The following ZNF521 variants were observed in gnomAD, a reference collection of about 807,000 sequenced individuals.
ZNF521 encodes zinc finger protein 521, also known as LYST-interacting protein 3.
A neutral mutation model predicts 105.5 loss-of-function variants in ZNF521; 14 were observed. That is an observed-to-expected ratio of 0.13 (90% CI 0.09 to 0.21). The LOEUF (loss-of-function observed/expected upper bound fraction) is 0.21, where lower values mean the gene tolerates loss of function less well. ZNF521 is among the 10% of genes least tolerant of loss of function. The pLI, the probability that ZNF521 is intolerant of heterozygous loss-of-function variation, is 1.00. For synonymous variants in ZNF521, 635 were observed against 606.0 expected (o/e 1.05, Z -0.70); for missense variants, 1,233 against 1,629.7 (o/e 0.76, Z 4.19).
rs374117228 is a variant in ZNF521, at chr18:25,278,580, A to G, written c.220+43428T>C. Among the ~76,000 whole-genome samples, 23 of 152,302 alleles carry G rather than the reference A, an allele frequency of 1.5e-4. No individual in the cohort carries two copies. The East Asian group carries it at 3.7e-3, about 24-fold the overall frequency. ...AAAATGAAGAGTGTCTTGCAATTTC[A>G]TCCCTTAATTGAGATCCTAGCATAT... On this transcript the variant is annotated intron_variant, in intron 3 of 7. Coordinates refer to ENST00000361524, the MANE Select transcript of ZNF521 (RefSeq NM_015461.3).
intron 3 of ZNF521, among the ~76,000 whole-genome samples, chr18:25,280,988 T>C (rs141293084): frequency 3.5e-3 from 530 of 152,270 alleles, no homozygotes; most frequent in Middle Eastern, 0.014. Flanking sequence ...CTTGCTTAAA[T>C]TCATTCTAAG....
chr18:25,242,920 T>C (rs1012883976), intron 3 of ZNF521, among the ~76,000 whole-genome samples: 2 of 152,192 alleles, frequency 1.3e-5, no homozygotes, highest in African/African-American at 4.8e-5. Flanking sequence ...TACAATACGT[T>C]CTCACTAGAT....
intron 5 of ZNF521, among the ~76,000 whole-genome samples, chr18:25,156,344 T>C (rs1319091497): frequency 6.6e-6 from 1 of 152,238 alleles, no homozygotes; most frequent in East Asian, 1.9e-4. Flanking sequence ...CTTCCCACAG[T>C]GCCTTTCCTC....
At chr18:25,349,642 C>T (rs1010176946) in intron 2 of ZNF521, among the ~76,000 whole-genome samples, 5 of 151,932 alleles carry the variant, frequency 3.3e-5, no homozygotes, top group African/African-American at 1.2e-4. Context: ...CACCCCTTTT[C>T]CCCGGGCCGG....
chr18:25,155,910 T>C (rs1175965943), intron 5 of ZNF521, among the ~76,000 whole-genome samples: 1 of 152,190 alleles, frequency 6.6e-6, no homozygotes, highest in Non-Finnish European at 1.5e-5. Context: ...TTCTCACTTA[T>C]ATGTGTAATC....
At chr18:25,165,366 A>G (rs533781036) in intron 5 of ZNF521, among the ~76,000 whole-genome samples, 2 of 152,292 alleles carry the variant, frequency 1.3e-5, no homozygotes, top group South Asian at 2.1e-4. Flanking sequence ...AAAAACACGG[A>G]GCAGAAGTCT....
At chr18:25,286,586 C>G (rs1910717897) in intron 3 of ZNF521, among the ~76,000 whole-genome samples, 1 of 152,132 alleles carries the variant, frequency 6.6e-6, no homozygotes, top group Non-Finnish European at 1.5e-5. Context: ...TGAGAAAAAA[C>G]AAAGGTCATA....
intron 3 of ZNF521, among the ~76,000 whole-genome samples, chr18:25,316,175 G>T (rs1385384346): frequency 1.3e-5 from 2 of 151,976 alleles, no homozygotes; most frequent in Non-Finnish European, 2.9e-5. Context: ...TGAGAAAGCA[G>T]CAAGATAAGA....
intron 4 of ZNF521, among the ~76,000 whole-genome samples, chr18:25,215,337 A>G (rs185906161): frequency 8.5e-5 from 13 of 152,334 alleles, no homozygotes; most frequent in African/African-American, 3.1e-4. Flanking sequence ...ATTTCTAGAA[A>G]TACAAAGTAC....
intron 4 of ZNF521, among the ~76,000 whole-genome samples, chr18:25,199,233 A>AG (rs199906393): frequency 0.054 from 5,531 of 101,888 alleles, 349 homozygotes; most frequent in African/African-American, 0.15. Context: ...TATTACTATG[A>AG]GGGGGAAAAA....
chr18:25,067,289 A>G (rs995060997), intron 7 of ZNF521, among the ~76,000 whole-genome samples: 39 of 152,174 alleles, frequency 2.6e-4, no homozygotes, highest in African/African-American at 9.4e-4. Flanking sequence ...CACTTTCTTT[A>G]CTGTAAAGGG....
intron 4 of ZNF521, 117 bp downstream of exon 4, chr18:25,224,228 T>C (rs1600174829): frequency 1.0e-6 from 1 of 994,294 alleles, no homozygotes; most frequent in East Asian, 2.5e-5. Flanking sequence ...CCCACTGCAT[T>C]TCAATCTAAG....
At position 25,314,032 on chromosome 18, in the gene ZNF521, A is replaced by G. The variant is rs543242628; in HGVS notation, c.220+7976T>C. Among the ~76,000 whole-genome samples, 7 of 152,250 alleles carry G rather than the reference A, an allele frequency of 4.6e-5. No homozygotes were observed. In the South Asian group the frequency reaches 1.4e-3, roughly 32 times the overall value. On this transcript the variant is annotated intron_variant, in intron 3 of 7. Coordinates refer to ENST00000361524, the MANE Select transcript of ZNF521 (RefSeq NM_015461.3). ...AACATAAATTAATAACACTTAAATGATTAATAACAAAGTATGAATAATGAA... is the reference window on the plus strand; with the variant it reads ...AACATAAATTAATAACACTTAAATGGTTAATAACAAAGTATGAATAATGAA...
chr18:25,295,145 C>T (rs1198811219), intron 3 of ZNF521, among the ~76,000 whole-genome samples: 1 of 152,078 alleles, frequency 6.6e-6, no homozygotes, highest in East Asian at 1.9e-4. Context: ...CTAACCTGAC[C>T]TTTGTGATAG....
chr18:25,325,348 A>C (rs1033787244), intron 2 of ZNF521, among the ~76,000 whole-genome samples: 2 of 152,176 alleles, frequency 1.3e-5, no homozygotes, highest in African/African-American at 4.8e-5. Context: ...TTAGTGATGT[A>C]GTTTTTATAA....
Position 25,224,438 on chromosome 18 carries a change from G to A in ZNF521, c.3480C>T (p.Ile1160=). The change falls in exon 4 of 8, where the codon ATC becomes ATT. Residue 1160 remains isoleucine, a synonymous_variant. Transcript: ENST00000361524. ...ESELQNHIQT[I]HRELVPDSNS... is the part of the protein sequence containing the mutation. Reference sequence around the variant, plus strand: ...TGCTGTCTGGCACGAGCTCTCGGTGGATGGTTTGGATGTGGTTCTGGAGTT... The same window carrying A: ...TGCTGTCTGGCACGAGCTCTCGGTGAATGGTTTGGATGTGGTTCTGGAGTT... The A allele has an allele frequency of 3.7e-6, 6 of 1,614,076 alleles. No individual in the cohort carries two copies.
chr18:25,159,896 A>C (rs2035219426), intron 5 of ZNF521, among the ~76,000 whole-genome samples: 1 of 152,216 alleles, frequency 6.6e-6, no homozygotes, highest in South Asian at 2.1e-4. Context: ...ATGAGACAAT[A>C]TGTGTCATGC....
intron 3 of ZNF521, among the ~76,000 whole-genome samples, chr18:25,243,723 T>C (rs1907508299): frequency 6.6e-6 from 1 of 152,216 alleles, no homozygotes; most frequent in South Asian, 2.1e-4. Flanking sequence ...TTAATACTGT[T>C]ACTATATGGC....
At chr18:25,294,334 T>C (rs968654427) in intron 3 of ZNF521, among the ~76,000 whole-genome samples, 2 of 152,328 alleles carry the variant, frequency 1.3e-5, no homozygotes, top group African/African-American at 4.8e-5. Context: ...AATCAATAAA[T>C]ATGCATAAAG....
Sources: allele counts gnomAD v4.1 joint callset (sites outside exome capture counted in the v4.1 genomes callset), GRCh38; gene constraint gnomAD v4.1.1; transcripts MANE v1.5; gene names NCBI Gene and HGNC (gene_info 2026-07-23, HGNC 2026-07-21).